Variants in STRBP observed in about 807,000 individuals in gnomAD.
STRBP encodes the protein spermatid perinuclear RNA binding protein, also known as spermatid perinuclear RNA-binding protein.
STRBP carries 13 observed loss-of-function variants against 80.1 expected under a neutral mutation model. The observed-to-expected ratio is 0.16, with a 90% CI of 0.11 to 0.26. STRBP has a LOEUF of 0.26. Among genes scored for constraint, STRBP ranks in the 10% least tolerant of loss-of-function variants. The pLI is 1.00. For missense variants in STRBP, 485 were observed against 815.2 expected, an observed-to-expected ratio of 0.59 and a Z score of 4.93; for synonymous variants, 284 against 291.2, an observed-to-expected ratio of 0.98 and a Z score of 0.25.
Position 123,161,058 on chromosome 9 carries a change from C to G in STRBP, c.546G>C (p.Ser182=). ...CCAATAAGTCCGGAGGATCTTTCAT[C>G]GAAACATTTTCTAACAGTAAAATGG... ...ELEKKDGENV[S]MKDPPDLLDR... Residue 182 remains serine, a synonymous_variant, in exon 7 of 19, where the codon TCG becomes TCC. Coordinates refer to ENST00000348403, the MANE Select transcript of STRBP (RefSeq NM_018387.5). 2 of 1,598,730 alleles carry G rather than the reference C, an allele frequency of 1.3e-6. No homozygotes were observed. Among genetic ancestry groups the G allele is most frequent in the African/African-American group, 1.4e-5 (1 of 73,582 alleles).
intron 2 of STRBP, among the ~76,000 whole-genome samples, chr9:123,218,591 G>A (rs936860824): frequency 1.3e-5 from 2 of 150,698 alleles, no homozygotes; most frequent in African/African-American, 2.4e-5. Flanking sequence ...GGATGGTCTC[G>A]ATCTCCTGAC....
rs758967310 is a variant in STRBP, at chr9:123,170,062, A to G, written c.391-16T>C. ...CTGTGAGTTTCTGAAAGTCACCAAG[A>G]TTTCAAAATCACCCAGTTAATTAGA... On this transcript the variant is annotated splice_polypyrimidine_tract_variant and intron_variant, in intron 5 of 18. Coordinates refer to ENST00000348403, the MANE Select transcript of STRBP (RefSeq NM_018387.5). 2 of 1,593,168 alleles carry G rather than the reference A, an allele frequency of 1.3e-6. No homozygotes were observed. The highest frequency in any genetic ancestry group is 8.5e-7 in the Non-Finnish European group (1 of 1,171,418).
At chr9:123,219,572 C>G (rs1026181389) in intron 2 of STRBP, among the ~76,000 whole-genome samples, 3 of 152,208 alleles carry the variant, frequency 2.0e-5, no homozygotes, top group Non-Finnish European at 4.4e-5. Context: ...GTATCCACCT[C>G]AGTTCATAGC....
In STRBP at chr9:123,126,766, C is replaced by T. The variant is rs547578473; in HGVS notation, c.1943-1093G>A. Among the ~76,000 whole-genome samples the T allele has an allele frequency of 2.6e-4, 39 of 152,262 alleles. No homozygotes were observed. The highest frequency in any genetic ancestry group is 3.4e-3 in the Middle Eastern group (1 of 294). On this transcript the variant is annotated intron_variant, in intron 18 of 18. Coordinates refer to ENST00000348403, the MANE Select transcript of STRBP (RefSeq NM_018387.5). The surrounding 1 kb of genome is among the most constrained non-coding windows in gnomAD (Gnocchi z 4.4). ...AGCGGCAGATGTTTTGGCACTTATACAAGACATAGTACAGTGAGTCTAGTG... is the reference window on the plus strand; with the variant it reads ...AGCGGCAGATGTTTTGGCACTTATATAAGACATAGTACAGTGAGTCTAGTG...
At chr9:123,183,935 C>A (rs184237463) in intron 3 of STRBP, among the ~76,000 whole-genome samples, 197 bp downstream of exon 3, 3 of 152,222 alleles carry the variant, frequency 2.0e-5, no homozygotes, top group Non-Finnish European at 4.4e-5. Context: ...GCTCATGAGG[C>A]CCTACCTTGT....
chr9:123,139,086 C>A (rs2036481343), intron 14 of STRBP, among the ~76,000 whole-genome samples: 1 of 152,144 alleles, frequency 6.6e-6, no homozygotes, highest in African/African-American at 2.4e-5. Flanking sequence ...CAGGGCTGGA[C>A]CAACTAAATG....
chr9:123,203,121 A>T (rs2039386643), intron 2 of STRBP, among the ~76,000 whole-genome samples: 1 of 152,170 alleles, frequency 6.6e-6, no homozygotes, highest in Non-Finnish European at 1.5e-5. Flanking sequence ...TGGGAGGCTA[A>T]GATGGGAGGA....
Sources: allele counts gnomAD v4.1 joint callset (sites outside exome capture counted in the v4.1 genomes callset), GRCh38; gene constraint gnomAD v4.1.1; non-coding constraint Gnocchi (gnomAD v3.1); transcripts MANE v1.5; gene names NCBI Gene and HGNC (gene_info 2026-07-23, HGNC 2026-07-21).